Variants in TBC1D16 observed in about 807,000 individuals in gnomAD.
The protein encoded by TBC1D16 is TBC1 domain family member 16.
TBC1D16 carries 58 observed loss-of-function variants against 74.7 expected under a neutral mutation model. The observed-to-expected ratio is 0.78, with a 90% CI of 0.63 to 0.97. The LOEUF (loss-of-function observed/expected upper bound fraction) is 0.97. TBC1D16 is among the 50% of genes least tolerant of loss of function. The pLI is 0.00. For missense variants in TBC1D16, 1,014 were observed against 1,079.5 expected (o/e 0.94, Z 0.85); for synonymous variants, 493 against 474.7 (o/e 1.04, Z -0.50).
In TBC1D16 at chr17:79,941,047, G is replaced by T; in HGVS notation, c.2116C>A (p.Leu706Met). The T allele has an allele frequency of 6.2e-7, 1 of 1,603,398 alleles. No homozygotes were observed. The change falls in exon 12 of 12, where the codon CTG (leucine) becomes ATG (methionine). Residue 706 changes from leucine to methionine, a missense_variant. By Grantham distance (15) the Leu-to-Met change is conservative. Coordinates refer to ENST00000310924, the MANE Select transcript of TBC1D16 (RefSeq NM_019020.4). The surrounding 1 kb of genome is among the most constrained non-coding windows in gnomAD (Gnocchi z 4.3). ...LPRIPCSLHD[L>M]CKLCGSGMWD... Reference sequence around the variant, plus strand: ...ATGCCTGACCCGCACAGCTTACACAGATCGTGCAGGCTGCAGGGGATCCGG... The same window carrying T: ...ATGCCTGACCCGCACAGCTTACACATATCGTGCAGGCTGCAGGGGATCCGG...
chr17:79,960,949 C>A (rs1337909442), intron 3 of TBC1D16, among the ~76,000 whole-genome samples: 1 of 152,122 alleles, frequency 6.6e-6, no homozygotes, highest in Non-Finnish European at 1.5e-5. Flanking sequence ...CACACCCCTA[C>A]CATATGACTC....
chr17:79,974,108 C>T (rs11150826), intron 3 of TBC1D16, among the ~76,000 whole-genome samples: 1 of 152,180 alleles, frequency 6.6e-6, no homozygotes, highest in East Asian at 1.9e-4. Flanking sequence ...CACTGAGATC[C>T]TAGGGCAGCC....
intron 2 of TBC1D16, among the ~76,000 whole-genome samples, chr17:80,012,172 TG>T (rs2035920545): frequency 6.6e-6 from 1 of 152,134 alleles, no homozygotes; most frequent in Admixed American, 6.5e-5. Flanking sequence ...CAAAACAGGC[TG>T]GGAAATTTGG....
At chr17:79,949,696 C>CG in intron 7 of TBC1D16, 21 bp downstream of exon 7, 1 of 1,591,806 alleles carries the variant, frequency 6.3e-7, no homozygotes, top group Non-Finnish European at 8.6e-7. Context: ...CGGGGTGGGC[C>CG]GGGCTGGCCC....
chr17:79,961,373 C>T lies in TBC1D16; in HGVS notation c.780-8555G>A, dbSNP rs1479331178. Among the ~76,000 whole-genome samples the T allele has an allele frequency of 1.3e-5, 2 of 152,226 alleles. No individual in the cohort carries two copies. The highest frequency in any genetic ancestry group is 2.9e-5 in the Non-Finnish European group (2 of 68,034). ...AAGTGTTGCTGAGGACATGGAGGAA[C>T]TGGAACTCTCACGGACTGCTGGTGG... On this transcript the variant is annotated intron_variant, in intron 3 of 11. Coordinates refer to ENST00000310924, the MANE Select transcript of TBC1D16 (RefSeq NM_019020.4). This position sits in a 1 kb window ranked among gnomAD's most constrained non-coding sequence, Gnocchi z 4.8.
chr17:79,936,164 C>T lies in TBC1D16; in HGVS notation c.*4695G>A, dbSNP rs1263718480. 1.3e-5 allele frequency: 2 copies of T among 152,262 alleles called. No homozygotes were observed. The highest frequency in any genetic ancestry group is 4.8e-5 in the African/African-American group (2 of 41,456). The allele number at this position is 152,262 out of a possible 1,614,324, so 9.4% of individuals were successfully genotyped here. ...TTGCACATGCATTCACACACACATG[C>T]CTGGCGGGATCGCAGAGGATGGGTC... is the stretch of plus-strand genomic sequence containing the variant. On this transcript the variant is annotated 3_prime_UTR_variant, in exon 12 of 12. Coordinates refer to ENST00000310924, the MANE Select transcript of TBC1D16 (RefSeq NM_019020.4).
At chr17:80,025,020 A>C in intron 1 of TBC1D16, among the ~76,000 whole-genome samples, 1 of 94,378 alleles carries the variant, frequency 1.1e-5, no homozygotes, top group South Asian at 3.3e-4. Flanking sequence ...ACACACACAC[A>C]CCACAGATGC....
In TBC1D16 at chr17:80,035,338, C is replaced by A. The variant is rs1352353114; in HGVS notation, c.-63+457G>T. On this transcript the variant is annotated intron_variant, in intron 1 of 11. Transcript: ENST00000310924. This position sits in a 1 kb window ranked among gnomAD's most constrained non-coding sequence, Gnocchi z 5.3. Reference sequence around the variant, plus strand: ...AAACAGCCCAGACCACCAAGCCCGACAGGCCGGGAAAGCTGAGCGCGCGCT... The same window carrying A: ...AAACAGCCCAGACCACCAAGCCCGAAAGGCCGGGAAAGCTGAGCGCGCGCT... Among the ~76,000 whole-genome samples, 2 of 151,952 alleles carry A rather than the reference C, an allele frequency of 1.3e-5. No individual in the cohort carries two copies. The highest frequency in any genetic ancestry group is 2.9e-5 in the Non-Finnish European group (2 of 67,984).
At chr17:79,984,320 A>C (rs888071415) in intron 3 of TBC1D16, among the ~76,000 whole-genome samples, 1 of 152,220 alleles carries the variant, frequency 6.6e-6, no homozygotes, top group African/African-American at 2.4e-5. Flanking sequence ...AATCAAAAAA[A>C]ATTTTAAACC....
At chr17:80,012,581 T>G (rs2035934452) in intron 2 of TBC1D16, among the ~76,000 whole-genome samples, 1 of 152,082 alleles carries the variant, frequency 6.6e-6, no homozygotes, top group African/African-American at 2.4e-5. Flanking sequence ...TTTATAACTT[T>G]TTTTTTTTTA....
In TBC1D16 at chr17:79,985,209, C is replaced by A. The variant is rs1312245276; in HGVS notation, c.779+24951G>T. Among the ~76,000 whole-genome samples, 1 of 152,138 alleles carries A rather than the reference C, an allele frequency of 6.6e-6. No individual in the cohort carries two copies. Among genetic ancestry groups the A allele is most frequent in the African/African-American group, 2.4e-5 (1 of 41,426 alleles). ...ATCACTCCCATCTCTGCCTCCATCT[C>A]CCTGCCCCTCCTGTGTCTGTGTGTC... On this transcript the variant is annotated intron_variant, in intron 3 of 11. Coordinates refer to ENST00000310924, the MANE Select transcript of TBC1D16 (RefSeq NM_019020.4). This position sits in a 1 kb window ranked among gnomAD's most constrained non-coding sequence, Gnocchi z 4.9.
intron 3 of TBC1D16, among the ~76,000 whole-genome samples, chr17:79,999,457 C>A (rs549615695): frequency 6.6e-6 from 1 of 151,620 alleles, no homozygotes; most frequent in East Asian, 1.9e-4. Context: ...AGGAAGAAAA[C>A]CAACCAAAAT....
At chr17:80,033,480 C>T (rs557031109) in intron 1 of TBC1D16, among the ~76,000 whole-genome samples, 12 of 152,054 alleles carry the variant, frequency 7.9e-5, no homozygotes, top group Non-Finnish European at 1.3e-4. Context: ...TCAAGCTATC[C>T]TCCCACCTCA....
At chr17:79,943,829 G>A (rs747301856) in intron 10 of TBC1D16, 352 of 1,350,626 alleles carry the variant, frequency 2.6e-4, no homozygotes, top group Middle Eastern at 5.7e-4. Flanking sequence ...CAGCCTGAAC[G>A]TAAAGGAATG....
Position 80,009,743 on chromosome 17 carries a change from G to A in TBC1D16, c.779+417C>T, listed in dbSNP as rs113542114. Among the ~76,000 whole-genome samples the A allele has an allele frequency of 2.6e-4, 40 of 152,344 alleles. No homozygotes were observed. The East Asian group carries it at 5.0e-3, about 19-fold the overall frequency. ...ATCTGGGCTTGGGCCAGCCCTGTGCGTGAGCCTAATGATGCCACCCGGGCC... is the reference window on the plus strand; with the variant it reads ...ATCTGGGCTTGGGCCAGCCCTGTGCATGAGCCTAATGATGCCACCCGGGCC... On this transcript the variant is annotated intron_variant, in intron 3 of 11. Coordinates refer to ENST00000310924, the MANE Select transcript of TBC1D16 (RefSeq NM_019020.4). This position sits in a 1 kb window ranked among gnomAD's most constrained non-coding sequence, Gnocchi z 5.4.
intron 3 of TBC1D16, among the ~76,000 whole-genome samples, chr17:80,005,508 T>C (rs1429657280): frequency 6.6e-6 from 1 of 152,214 alleles, no homozygotes; most frequent in African/African-American, 2.4e-5. Context: ...CCTTGCTTTC[T>C]GACACTGAGG....
Position 80,009,033 on chromosome 17 carries a change from G to T in TBC1D16, c.779+1127C>A, listed in dbSNP as rs1175489321. ...GCAAGCTGCTGACCTTCTCCGAGCC[G>T]CCCTTTCCCCTTCGATAGCAGGGGA... On this transcript the variant is annotated intron_variant, in intron 3 of 11. Coordinates refer to ENST00000310924, the MANE Select transcript of TBC1D16 (RefSeq NM_019020.4). The surrounding 1 kb of genome is among the most constrained non-coding windows in gnomAD (Gnocchi z 5.4). Among the ~76,000 whole-genome samples the T allele has an allele frequency of 6.6e-6, 1 of 152,188 alleles. No individual in the cohort carries two copies. The highest frequency in any genetic ancestry group is 2.1e-4 in the South Asian group (1 of 4,830).
intron 3 of TBC1D16, among the ~76,000 whole-genome samples, chr17:80,002,704 T>C (rs541746352): frequency 6.6e-6 from 1 of 152,262 alleles, no homozygotes; most frequent in Non-Finnish European, 1.5e-5. Context: ...GGCCTCCCGC[T>C]GTGACCACCA....
Position 79,987,182 on chromosome 17 carries a change from T to C in TBC1D16, c.779+22978A>G, listed in dbSNP as rs573853459. Reference sequence around the variant, plus strand: ...TCCCAAACTCAAGCACTGGAGAAAATTGTTCCAGAGCGTCTCGGTCTGGGT... The same window carrying C: ...TCCCAAACTCAAGCACTGGAGAAAACTGTTCCAGAGCGTCTCGGTCTGGGT... On this transcript the variant is annotated intron_variant, in intron 3 of 11. Coordinates refer to ENST00000310924, the MANE Select transcript of TBC1D16 (RefSeq NM_019020.4). The surrounding 1 kb of genome is among the most constrained non-coding windows in gnomAD (Gnocchi z 5.2). Among the ~76,000 whole-genome samples, 88 of 151,878 alleles carry C rather than the reference T, an allele frequency of 5.8e-4. No individual in the cohort carries two copies. The highest frequency in any genetic ancestry group is 2.1e-3 in the African/African-American group (87 of 41,414).
Sources: gnomAD v4.1 joint callset for allele counts (sites outside exome capture counted in the v4.1 genomes callset) on GRCh38, gnomAD v4.1.1 for gene constraint, Gnocchi (gnomAD v3.1) non-coding constraint, MANE v1.5 for transcripts, NCBI Gene and HGNC (gene_info 2026-07-23, HGNC 2026-07-21) for gene names.